The following LIMCH1 variants were observed in gnomAD, a reference collection of about 807,000 sequenced individuals.
The protein encoded by LIMCH1 is LIM and calponin homology domains 1, also known as LIM and calponin homology domains-containing protein 1.
Under a neutral mutation model 176.5 loss-of-function variants are expected in LIMCH1, and 113 were observed. The observed-to-expected ratio is 0.64, with a 90% confidence interval of 0.55 to 0.75. The LOEUF is 0.75. Ranked by LOEUF, LIMCH1 falls within the 30% of genes least tolerant of loss-of-function variation. The pLI is 0.00. For missense variants in LIMCH1, 1,674 were observed against 1,814.9 expected, an observed-to-expected ratio of 0.92 and a Z score of 1.41; for synonymous variants, 619 against 645.9, an observed-to-expected ratio of 0.96 and a Z score of 0.63.
intron 1 of LIMCH1, among the ~76,000 whole-genome samples, chr4:41,444,883 G>C (rs1262390369): frequency 6.6e-6 from 1 of 152,154 alleles, no homozygotes; most frequent in Non-Finnish European, 1.5e-5. Flanking sequence ...GTGATGGCCA[G>C]GCTACCAGAC....
chr4:41,631,076 TG>T lies in LIMCH1; in HGVS notation c.1272-71del, dbSNP rs200864726. The T allele has an allele frequency of 3.7e-5, 47 of 1,255,422 alleles. No individual in the cohort carries two copies. The African/African-American group carries it at 6.2e-4, about 17-fold the overall frequency. The allele number at this position is 1,255,422 out of a possible 1,614,324, so 77.8% of individuals were successfully genotyped here. A position where few individuals can be genotyped will look rare whatever the true frequency, so the allele number is the denominator to read the frequency against. On this transcript the variant is annotated intron_variant, in intron 9 of 31. Coordinates refer to ENST00000503057, the MANE Select transcript of LIMCH1 (RefSeq NM_001330672.2). ...GCCAACTACTTCTAGTTTTTTTTTT[TG>T]TTTTTTTTTTAAAAACCTCTTATTG...
chr4:41,501,701 G>A (rs1053413332), intron 2 of LIMCH1, among the ~76,000 whole-genome samples: 5 of 151,858 alleles, frequency 3.3e-5, no homozygotes, highest in Non-Finnish European at 7.4e-5. Context: ...CCTTTTCCTG[G>A]TGATGAGGCA....
chr4:41,612,315 C>T (rs1309039738), intron 4 of LIMCH1: 5 of 526,162 alleles, frequency 9.5e-6, no homozygotes, highest in Admixed American at 6.6e-5. Context: ...AGACCAGTTT[C>T]CAAAACTGCT....
rs570798701 is a variant in LIMCH1 at position 41,470,715 on chromosome 4, A to G, written c.97-23821A>G. 2.8e-4 allele frequency among the ~76,000 whole-genome samples: 42 copies of G among 152,174 alleles called. No homozygotes were observed. The South Asian group carries it at 8.3e-3, about 30-fold the overall frequency. On this transcript the variant is annotated intron_variant, in intron 1 of 26. Transcript: ENST00000313860. Reference sequence around the variant, plus strand: ...TATTAACCACGCCTCTTCTCTTCAAACATCTTTTCTCCATCTTTTCTGACT... The same window carrying G: ...TATTAACCACGCCTCTTCTCTTCAAGCATCTTTTCTCCATCTTTTCTGACT...
Position 41,428,004 on chromosome 4 carries a change from TA to T in LIMCH1, c.97-66522del, listed in dbSNP as rs111990626. Among the ~76,000 whole-genome samples, 319 of 148,100 alleles carry T rather than the reference TA, an allele frequency of 2.2e-3. 1 individual carries two copies. The highest frequency in any genetic ancestry group is 6.6e-3 in the African/African-American group (267 of 40,540). ...CTTTTTACCTCTGTGTATTCAGCAATAAAAAAAAAATTCTCTGAAATGTGTG... is the reference window on the plus strand; with the variant it reads ...CTTTTTACCTCTGTGTATTCAGCAATAAAAAAAAATTCTCTGAAATGTGTG... On this transcript the variant is annotated intron_variant, in intron 1 of 26. Coordinates refer to the LIMCH1 transcript ENST00000313860.
chr4:41,611,624 C>A (rs1261891657), intron 4 of LIMCH1, among the ~76,000 whole-genome samples: 1 of 152,202 alleles, frequency 6.6e-6, no homozygotes, highest in Non-Finnish European at 1.5e-5. Context: ...AGTTACTTAA[C>A]CTCTCTGATT....
chr4:41,524,480 TG>T, intron 3 of LIMCH1: 1 of 1,608,752 alleles, frequency 6.2e-7, no homozygotes, highest in Non-Finnish European at 8.5e-7. Context: ...GCAGGACTGG[TG>T]AGTACGTGGA....
At chr4:41,563,800 C>T (rs1245410262) in intron 1 of LIMCH1, among the ~76,000 whole-genome samples, 1 of 152,158 alleles carries the variant, frequency 6.6e-6, no homozygotes, top group South Asian at 2.1e-4. Context: ...CACTAAAGTC[C>T]TAATATATCT....
intron 9 of LIMCH1, 64 bp from the exon 10 acceptor site, chr4:41,631,084 T>G: frequency 2.3e-6 from 3 of 1,331,704 alleles, no homozygotes; most frequent in Non-Finnish European, 2.0e-6. Flanking sequence ...TTTGTTTTTT[T>G]TTTAAAAACC....
At chr4:41,524,409 G>C (rs1412524665) in exon 3 of LIMCH1, 1 of 1,613,324 alleles carries the variant, frequency 6.2e-7, no homozygotes, top group African/African-American at 1.3e-5. Flanking sequence ...TTCATGACAG[G>C]TTGCTGAATG....
At position 41,684,481 on chromosome 4, in the gene LIMCH1, G is replaced by A. The variant is rs1196494696; in HGVS notation, c.3930G>A (p.Gly1310=). The change falls in exon 27 of 32, where the codon GGG becomes GGA. Residue 1310 remains glycine (G), a synonymous_variant. Transcript: ENST00000503057. ...ACCATCAGCTGGATACCGAGGCTGG[G>A]GCCCCACACTGTGGAACAAACCCAC... The part of the protein sequence containing the change: ...HEDHQLDTEA[G]APHCGTNPQL... 2 of 1,613,672 alleles carry A rather than the reference G, an allele frequency of 1.2e-6. No individual in the cohort carries two copies. Among genetic ancestry groups the A allele is most frequent in the East Asian group, 4.5e-5 (2 of 44,830 alleles).
chr4:41,655,671 C>T (rs1433400009), intron 18 of LIMCH1, among the ~76,000 whole-genome samples: 1 of 151,836 alleles, frequency 6.6e-6, no homozygotes, highest in East Asian at 1.9e-4. Context: ...CTTCCTGCAG[C>T]TCTTTTTTTT....
chr4:41,541,805 T>G (rs1407311227), intron 1 of LIMCH1, among the ~76,000 whole-genome samples: 2 of 152,232 alleles, frequency 1.3e-5, no homozygotes, highest in Non-Finnish European at 2.9e-5. Flanking sequence ...TTGATTCCCA[T>G]GTAAGCTTTG....
intron 30 of LIMCH1, 45 bp downstream of exon 30, chr4:41,689,680 C>A: frequency 1.6e-6 from 2 of 1,214,838 alleles, no homozygotes; most frequent in Non-Finnish European, 2.4e-6. Flanking sequence ...TTCATGATGT[C>A]TTTTGGCATC....
chr4:41,573,025 A>G (rs1183455641), intron 1 of LIMCH1, among the ~76,000 whole-genome samples: 1 of 152,248 alleles, frequency 6.6e-6, no homozygotes, highest in Non-Finnish European at 1.5e-5. Flanking sequence ...AATGTTAGCC[A>G]GTGTAGGACT....
At position 41,699,939 on chromosome 4, in the gene LIMCH1, T is replaced by C. The variant is rs1032123287; in HGVS notation, c.*2754T>C. The stretch of plus-strand genomic sequence containing the variant: ...TACTAACTTTCATTTAAAGTATTTA[T>C]TCTAAAATGCCTCTGAGAAACAGTA... On this transcript the variant is annotated 3_prime_UTR_variant, in exon 32 of 32. Transcript: ENST00000503057. The C allele has an allele frequency of 6.6e-6, 1 of 152,220 alleles. No individual in the cohort carries two copies. Among genetic ancestry groups the C allele is most frequent in the East Asian group, 1.9e-4 (1 of 5,208 alleles). 9.4% of individuals were successfully genotyped at this position (152,220 alleles called of 1,614,324 possible).
intron 21 of LIMCH1, among the ~76,000 whole-genome samples, chr4:41,670,280 G>A (rs1377872566): frequency 1.3e-5 from 2 of 152,132 alleles, no homozygotes; most frequent in African/African-American, 2.4e-5. Context: ...TTCTGCCACA[G>A]ACTTCTATAC....
At chr4:41,368,745 C>T (rs1480901258) in intron 1 of LIMCH1, among the ~76,000 whole-genome samples, 1 of 152,048 alleles carries the variant, frequency 6.6e-6, no homozygotes, top group African/African-American at 2.4e-5. Context: ...AGGTACCTGC[C>T]TCGGAAGTTC....
intron 1 of LIMCH1, among the ~76,000 whole-genome samples, chr4:41,582,390 T>C (rs543485206): frequency 1.3e-5 from 2 of 152,360 alleles, no homozygotes; most frequent in African/African-American, 4.8e-5. Flanking sequence ...AACTCACTTT[T>C]ATTAGCCCAT....
Sources: allele counts gnomAD v4.1 joint callset (sites outside exome capture counted in the v4.1 genomes callset), GRCh38; gene constraint gnomAD v4.1.1; transcripts MANE v1.5; gene names NCBI Gene and HGNC (gene_info 2026-07-23, HGNC 2026-07-21).